Variants in EEIG2 observed in about 807,000 individuals in gnomAD.
EEIG2 encodes EEIG family member 2.
chr1:108,562,170 C>G, the EEIG2 span, among the ~76,000 whole-genome samples: 1 of 152,254 alleles, frequency 6.6e-6, no homozygotes, highest in Admixed American at 6.5e-5. Context: ...TTCCTAAGGT[C>G]CCCTCAGCTG....
At chr1:108,624,062 C>A in the EEIG2 span, among the ~76,000 whole-genome samples, 1 of 152,130 alleles carries the variant, frequency 6.6e-6, no homozygotes, top group East Asian at 1.9e-4. Context: ...TTTGAATTAA[C>A]CAATGAAAAT....
the EEIG2 span, chr1:108,560,278 C>T: frequency 2.6e-6 from 1 of 379,082 alleles, no homozygotes; most frequent in African/African-American, 2.2e-5. Context: ...CGGCAGCGGC[C>T]CCGGCCGCGG....
At chr1:108,566,145 G>A in the EEIG2 span, among the ~76,000 whole-genome samples, 1,457 of 152,104 alleles carry the variant, frequency 9.6e-3, 23 homozygotes, top group African/African-American at 0.033. Flanking sequence ...TATTTTAATG[G>A]TGCATATTAT....
At chr1:108,609,708 C>T in the EEIG2 span, among the ~76,000 whole-genome samples, 1 of 152,066 alleles carries the variant, frequency 6.6e-6, no homozygotes, top group South Asian at 2.1e-4. Flanking sequence ...AATAGGAGAC[C>T]GCAGAGAAAA....
chr1:108,614,565 T>C, the EEIG2 span, among the ~76,000 whole-genome samples: 3 of 152,164 alleles, frequency 2.0e-5, no homozygotes, highest in African/African-American at 7.2e-5. Flanking sequence ...CTTCCCATCA[T>C]AGACTTTACC....
At chr1:108,568,399 T>C in the EEIG2 span, among the ~76,000 whole-genome samples, 2 of 152,150 alleles carry the variant, frequency 1.3e-5, no homozygotes, top group African/African-American at 2.4e-5. Context: ...AAGGAAGATA[T>C]TCGGATTCTT....
At chr1:108,634,405 A>G in the EEIG2 span, among the ~76,000 whole-genome samples, 6 of 152,324 alleles carry the variant, frequency 3.9e-5, no homozygotes, top group Admixed American at 2.0e-4. Flanking sequence ...AAATGCCATT[A>G]AGGAGAGACA....
At chr1:108,576,967 T>C in the EEIG2 span, among the ~76,000 whole-genome samples, 1 of 151,388 alleles carries the variant, frequency 6.6e-6, no homozygotes, top group African/African-American at 2.4e-5. Context: ...TGTTGTTTCC[T>C]GACTTTTTAA....
At chr1:108,628,503 G>A in the EEIG2 span, 1 of 1,614,162 alleles carries the variant, frequency 6.2e-7, no homozygotes, top group Non-Finnish European at 8.5e-7. Context: ...CTAGAGCCAT[G>A]TGATGAAATT....
chr1:108,589,783 CTT>C, the EEIG2 span, among the ~76,000 whole-genome samples: 440 of 85,090 alleles, frequency 5.2e-3, no homozygotes, highest in Non-Finnish European at 7.3e-3. Flanking sequence ...GTCTTTTGTC[CTT>C]TTTTTTTTTT....
At chr1:108,600,483 A>G in the EEIG2 span, 1 of 1,482,994 alleles carries the variant, frequency 6.7e-7, no homozygotes, top group Non-Finnish European at 9.2e-7. Context: ...TTTGCATGTT[A>G]GACTTGAGTG....
chr1:108,585,359 G>A, the EEIG2 span, among the ~76,000 whole-genome samples: 25 of 152,114 alleles, frequency 1.6e-4, 1 homozygote, highest in South Asian at 2.1e-4. Flanking sequence ...TAATTAAGAA[G>A]CTATTTTAAC....
At chr1:108,582,211 C>G in the EEIG2 span, among the ~76,000 whole-genome samples, 1 of 152,144 alleles carries the variant, frequency 6.6e-6, no homozygotes, top group Non-Finnish European at 1.5e-5. Context: ...GACATAGCTT[C>G]TTTATGCACT....
chr1:108,623,998 G>A, the EEIG2 span, among the ~76,000 whole-genome samples: 3 of 152,026 alleles, frequency 2.0e-5, no homozygotes, highest in African/African-American at 7.2e-5. Context: ...AAAAAAAACT[G>A]TTAGAAATTA....
At chr1:108,620,533 C>A in the EEIG2 span, among the ~76,000 whole-genome samples, 1 of 152,112 alleles carries the variant, frequency 6.6e-6, no homozygotes, top group African/African-American at 2.4e-5. Flanking sequence ...ACTCTGCTGG[C>A]ATTTGGGAAT....
At chr1:108,628,778 A>G in the EEIG2 span, 1 of 1,612,854 alleles carries the variant, frequency 6.2e-7, no homozygotes, top group African/African-American at 1.3e-5. Context: ...CAAAGTCAAG[A>G]CTTCAGCCTA....
the EEIG2 span, among the ~76,000 whole-genome samples, chr1:108,564,603 CTTA>C: frequency 2.0e-5 from 3 of 152,188 alleles, no homozygotes; most frequent in South Asian, 6.2e-4. Context: ...GCTTACTAAA[CTTA>C]TTTAGAATTT....
At chr1:108,611,617 A>C in the EEIG2 span, among the ~76,000 whole-genome samples, 2 of 152,258 alleles carry the variant, frequency 1.3e-5, no homozygotes, top group African/African-American at 4.8e-5. Context: ...GTGAAAGAGA[A>C]GGCACTGGTA....
the EEIG2 span, chr1:108,626,887 G>A: frequency 6.6e-6 from 1 of 152,116 alleles, no homozygotes; most frequent in African/African-American, 2.4e-5. Context: ...AAGTCCTGGG[G>A]TTAACCTCCT....
Sources: allele counts gnomAD v4.1 joint callset (sites outside exome capture counted in the v4.1 genomes callset), GRCh38; gene constraint gnomAD v4.1.1; transcripts MANE v1.5; gene names NCBI Gene and HGNC (gene_info 2026-07-23, HGNC 2026-07-21).